CFL1: variants seen among roughly 807,000 people sequenced by gnomAD.
CFL1 encodes cofilin 1.
In CFL1, 2 loss-of-function variants were observed where a neutral mutation model predicts 16.3. That is an observed-to-expected ratio of 0.12 (90% CI 0.05 to 0.39). The LOEUF is 0.39. Ranked by LOEUF, CFL1 falls within the 10% of genes least tolerant of loss-of-function variation. The pLI is 0.99. For synonymous variants in CFL1, 111 were observed against 84.4 expected (o/e 1.31, Z -1.73); for missense variants, 75 against 212.2 (o/e 0.35, Z 4.02).
chr11:65,856,682 T>C (rs546962018), intron 1 of CFL1: 17 of 201,052 alleles, frequency 8.5e-5, no homozygotes, highest in East Asian at 8.4e-4. Context: ...CAATGCTAGA[T>C]GGGACCCCAA....
chr11:65,858,065 G>C, intron 1 of CFL1, 32 bp downstream of exon 1: 1 of 1,526,124 alleles, frequency 6.6e-7, no homozygotes, highest in South Asian at 1.2e-5. Flanking sequence ...ACCCGCAGCC[G>C]CCTCCCTCAG....
intron 1 of CFL1, chr11:65,857,568 T>C: frequency 4.5e-6 from 1 of 223,428 alleles, no homozygotes; most frequent in South Asian, 3.2e-5. Context: ...GCATCACCCC[T>C]CGCCGCGCCA....
chr11:65,855,226 C>T lies in CFL1; in HGVS notation c.*110G>A. On this transcript the variant is annotated 3_prime_UTR_variant, in exon 4 of 4. Coordinates refer to ENST00000308162, the MANE Select transcript of CFL1 (RefSeq NM_005507.3). ...ACTGGGGTGAAGGGATTGCCCTCCC[C>T]CTGCTGGGATCCCCCCAGCCCCTCC... is the stretch of plus-strand genomic sequence containing the variant. 2 of 848,064 alleles carry T rather than the reference C, an allele frequency of 2.4e-6. No individual in the cohort carries two copies. The highest frequency in any genetic ancestry group is 3.8e-6 in the Non-Finnish European group (2 of 519,960). The allele number at this position is 848,064 out of a possible 1,614,324, so 52.5% of individuals were successfully genotyped here.
chr11:65,856,972 G>A (rs1263616706), intron 1 of CFL1: 2 of 153,482 alleles, frequency 1.3e-5, no homozygotes, highest in Admixed American at 6.5e-5. Flanking sequence ...GAGAGGGAGG[G>A]GCAATCCAAG....
rs949842432 is a variant in CFL1 at position 65,857,975 on chromosome 11, G to A, written c.3+122C>T. On this transcript the variant is annotated intron_variant, in intron 1 of 3. Transcript: ENST00000308162. Reference sequence around the variant, plus strand: ...TCCGGCACCGCCCGCCCCTTCGTGCGAGACCCTCATCCCGCCCGGGGCGCT... The same window carrying A: ...TCCGGCACCGCCCGCCCCTTCGTGCAAGACCCTCATCCCGCCCGGGGCGCT... The A allele has an allele frequency of 9.2e-6, 10 of 1,086,444 alleles. No homozygotes were observed. In the Admixed American group the frequency reaches 2.2e-4, roughly 23 times the overall value. The allele number at this position is 1,086,444 out of a possible 1,614,324, so 67.3% of individuals were successfully genotyped here.
intron 1 of CFL1, chr11:65,856,722 A>G (rs1175030865): frequency 5.5e-6 from 1 of 181,786 alleles, no homozygotes; most frequent in Non-Finnish European, 1.2e-5. Flanking sequence ...CAAACCCACC[A>G]GAACTGCTTA....
At chr11:65,858,056 C>T in intron 1 of CFL1, 41 bp downstream of exon 1, 1 of 1,525,122 alleles carries the variant, frequency 6.6e-7, no homozygotes, top group Non-Finnish European at 8.8e-7. Context: ...AGGCGACCGA[C>T]CCGCAGCCGC....
chr11:65,855,686 C>A lies in CFL1; in HGVS notation c.356G>T (p.Ser119Ile). The A allele has an allele frequency of 6.4e-7, 1 of 1,573,340 alleles. No homozygotes were observed. The highest frequency in any genetic ancestry group is 8.6e-7 in the Non-Finnish European group (1 of 1,160,912). The change falls in exon 3 of 4, where the codon AGC becomes ATC. Residue 119 changes from serine (S) to isoleucine (I), a missense_variant. Physicochemically the swap from Ser to Ile is moderately radical, Grantham distance 142 (BLOSUM62 -2). Transcript: ENST00000308162. ...APLKSKMIYA[S>I]SKDAIKKKLT... ...CTTCTTCTTGATGGCGTCCTTGGAG[C>A]TGGCATAAATCATTTTGCTCTTAAG...
rs1480890044 is a variant in CFL1, at chr11:65,854,916, G to A, written c.*420C>T. On this transcript the variant is annotated 3_prime_UTR_variant, in exon 4 of 4. Coordinates refer to ENST00000308162, the MANE Select transcript of CFL1 (RefSeq NM_005507.3). The stretch of plus-strand genomic sequence containing the variant: ...AGGGAGAGGAACCAGCCGGCACAGG[G>A]AGGGGTCATCTCCACAACATTCCAT... 1.2e-5 allele frequency: 2 copies of A among 161,466 alleles called. No homozygotes were observed. Among genetic ancestry groups the A allele is most frequent in the Admixed American group, 6.3e-5 (1 of 15,914 alleles). The allele number at this position is 161,466 out of a possible 1,614,324, so 10.0% of individuals were successfully genotyped here. A position where few individuals can be genotyped will look rare whatever the true frequency, so the allele number is the denominator to read the frequency against.
chr11:65,856,743 T>G (rs1859392291), intron 1 of CFL1: 1 of 159,144 alleles, frequency 6.3e-6, no homozygotes, highest in Non-Finnish European at 1.4e-5. Context: ...ATACAGTTAC[T>G]ACACAAACGA....
intron 3 of CFL1, 28 bp downstream of exon 3, chr11:65,855,626 G>A (rs1199225523): frequency 3.2e-6 from 5 of 1,562,032 alleles, no homozygotes; most frequent in Non-Finnish European, 4.3e-6. Flanking sequence ...AGAGCAGAAG[G>A]GCACTCAGCA....
In CFL1 at chr11:65,856,093, C is replaced by T; in HGVS notation, c.153G>A (p.Glu51=). The T allele has an allele frequency of 1.9e-6, 3 of 1,614,174 alleles. No individual in the cohort carries two copies. Among genetic ancestry groups the T allele is most frequent in the Non-Finnish European group, 2.5e-6 (3 of 1,180,032 alleles). The change falls in exon 2 of 4, where the codon GAG becomes GAA. Residue 51 remains glutamate, a synonymous_variant. Transcript: ENST00000308162. ...SEDKKNIILE[E]GKEILVGDVG... is the part of the protein sequence containing the mutation. ...CATCGCCCACCAGGATCTCCTTGCCCTCCTCCAGGATGATGTTCTTCTTGT... is the reference window on the plus strand; with the variant it reads ...CATCGCCCACCAGGATCTCCTTGCCTTCCTCCAGGATGATGTTCTTCTTGT...
chr11:65,855,855 C>A (rs1157984879), intron 2 of CFL1, 80 bp downstream of exon 2: 4 of 1,533,362 alleles, frequency 2.6e-6, no homozygotes, highest in South Asian at 2.4e-5. Context: ...ACCCACACAT[C>A]TGGGTTGACC....
intron 3 of CFL1, 41 bp downstream of exon 3, chr11:65,855,613 G>A (rs1859371962): frequency 2.6e-6 from 4 of 1,559,224 alleles, no homozygotes; most frequent in Non-Finnish European, 3.5e-6. Flanking sequence ...TGCAGCCAAG[G>A]CCAGAGCAGA....
At chr11:65,858,067 C>G in intron 1 of CFL1, 30 bp downstream of exon 1, 3 of 1,528,488 alleles carry the variant, frequency 2.0e-6, no homozygotes, top group Non-Finnish European at 2.6e-6. Flanking sequence ...CCGCAGCCGC[C>G]TCCCTCAGGC....
chr11:65,855,402 G>A lies in CFL1; in HGVS notation c.435C>T (p.Asp145=), dbSNP rs751529006. ...CCAGCTTCTCTGCCAGGGTGCAGCG[G>A]TCCTTGACCTCCTCGTAGCAGTTTG... ...LQANCYEEVK[D]RCTLAEKLGG... is the part of the protein sequence containing the mutation. The change falls in exon 4 of 4, where the codon GAC becomes GAT. Residue 145 remains aspartate (D), a synonymous_variant. Coordinates refer to ENST00000308162, the MANE Select transcript of CFL1 (RefSeq NM_005507.3). The A allele has an allele frequency of 4.3e-6, 7 of 1,613,316 alleles. No individual in the cohort carries two copies. The South Asian group carries it at 7.7e-5, about 18-fold the overall frequency.
At position 65,857,794 on chromosome 11, in the gene CFL1, C is replaced by T. The variant is rs1011568669; in HGVS notation, c.3+303G>A. 3.7e-5 allele frequency: 8 copies of T among 213,652 alleles called. 1 individual carries two copies. The highest frequency in any genetic ancestry group is 7.4e-5 in the Non-Finnish European group (8 of 108,708). The allele number at this position is 213,652 out of a possible 1,614,324, so 13.2% of individuals were successfully genotyped here. On this transcript the variant is annotated intron_variant, in intron 1 of 3. Coordinates refer to ENST00000308162, the MANE Select transcript of CFL1 (RefSeq NM_005507.3). ...CTAAGAAGAAAGGCGCGACGCCGGC[C>T]GTTCCGCGAGGGGCGCCCCAGCGCG...
intron 1 of CFL1, 51 bp from the exon 2 acceptor site, chr11:65,856,293 C>T (rs780043853): frequency 1.3e-6 from 2 of 1,561,044 alleles, no homozygotes; most frequent in South Asian, 1.2e-5. Context: ...GGGAACTGCC[C>T]CTTGTTTTTT....
intron 1 of CFL1, 33 bp downstream of exon 1, chr11:65,858,064 C>T: frequency 6.5e-7 from 1 of 1,527,462 alleles, no homozygotes; most frequent in Non-Finnish European, 8.8e-7. Context: ...GACCCGCAGC[C>T]GCCTCCCTCA....
Sources: allele counts gnomAD v4.1 joint callset, GRCh38; gene constraint gnomAD v4.1.1; transcripts MANE v1.5; gene names NCBI Gene and HGNC (gene_info 2026-07-23, HGNC 2026-07-21).